Variants in TRMT11 observed in about 807,000 individuals in gnomAD.
The protein encoded by TRMT11 is tRNA methyltransferase 11.
Under a neutral mutation model 62.8 loss-of-function variants are expected in TRMT11, and 53 were observed. The ratio of observed to expected loss-of-function variants is 0.84; its 90% CI spans 0.68 to 1.06. TRMT11 has a LOEUF of 1.06. Among genes scored for constraint, TRMT11 ranks in the 50% least tolerant of loss-of-function variants. The pLI is 0.00. For synonymous variants in TRMT11, 188 were observed against 190.3 expected, an observed-to-expected ratio of 0.99 and a Z score of 0.10; for missense variants, 556 against 553.4, an observed-to-expected ratio of 1.00 and a Z score of -0.05.
chr6:126,242,206 A>G, the TRMT11 span, among the ~76,000 whole-genome samples: 6 of 152,312 alleles, frequency 3.9e-5, 1 homozygote, highest in Admixed American at 1.3e-4. Context: ...AAAATAAAAT[A>G]CCTAGGAATC....
At chr6:126,157,356 C>G (rs529027166) in intron 21 of TRMT11, among the ~76,000 whole-genome samples, 1 of 152,336 alleles carries the variant, frequency 6.6e-6, no homozygotes, top group African/African-American at 2.4e-5. Flanking sequence ...TATACAAATA[C>G]TTAGCTTTGG....
At chr6:126,078,519 G>A (rs1012861995) in intron 17 of TRMT11, among the ~76,000 whole-genome samples, 7 of 151,232 alleles carry the variant, frequency 4.6e-5, no homozygotes, top group Non-Finnish European at 1.0e-4. Flanking sequence ...TATTTCATAA[G>A]ACACAATAAA....
At chr6:126,220,871 A>G in the TRMT11 span, among the ~76,000 whole-genome samples, 2 of 152,080 alleles carry the variant, frequency 1.3e-5, no homozygotes, top group Non-Finnish European at 2.9e-5. Context: ...GGTAATAAGC[A>G]TAGTAACTGA....
At chr6:125,996,433 A>G (rs531476280) in intron 3 of TRMT11, among the ~76,000 whole-genome samples, 28 of 152,346 alleles carry the variant, frequency 1.8e-4, no homozygotes, top group Admixed American at 1.5e-3. Context: ...GGTAACAAAA[A>G]GTGAGGACTG....
intron 21 of TRMT11, among the ~76,000 whole-genome samples, chr6:126,150,804 G>A (rs1778030090): frequency 6.6e-6 from 1 of 152,182 alleles, no homozygotes; most frequent in Non-Finnish European, 1.5e-5. Context: ...TGATAGCTTA[G>A]GGTCTCATTT....
chr6:126,246,650 G>A, the TRMT11 span, among the ~76,000 whole-genome samples: 1 of 152,170 alleles, frequency 6.6e-6, no homozygotes, highest in South Asian at 2.1e-4. Flanking sequence ...TAAGAGAAAA[G>A]CCAGCACTAA....
chr6:126,007,036 C>T (rs532552104), intron 7 of TRMT11: 1 of 152,080 alleles, frequency 6.6e-6, no homozygotes, highest in African/African-American at 2.4e-5. Context: ...TCCAAGTCAT[C>T]ACTTATGCTG....
the TRMT11 span, chr6:126,258,363 G>C: frequency 1.1e-5 from 4 of 370,552 alleles, no homozygotes; most frequent in Admixed American, 1.5e-4. Flanking sequence ...GGCCATGTAC[G>C]TGCATCAGTC....
chr6:126,265,167 C>T, the TRMT11 span, among the ~76,000 whole-genome samples: 1 of 152,090 alleles, frequency 6.6e-6, no homozygotes, highest in African/African-American at 2.4e-5. Flanking sequence ...GCCTTGTTTA[C>T]ACATGAATAA....
At chr6:126,077,977 T>A (rs1240343012) in intron 17 of TRMT11, among the ~76,000 whole-genome samples, 1 of 152,142 alleles carries the variant, frequency 6.6e-6, no homozygotes, top group African/African-American at 2.4e-5. Flanking sequence ...CATCCTTAGT[T>A]TCAAGACAGA....
chr6:126,192,799 A>G (rs1778618419), intron 1 of TRMT11, among the ~76,000 whole-genome samples: 1 of 152,164 alleles, frequency 6.6e-6, no homozygotes, highest in Admixed American at 6.5e-5. Flanking sequence ...ATCCCACTTG[A>G]TCATGGTAAA....
intron 1 of TRMT11, among the ~76,000 whole-genome samples, chr6:126,187,026 A>G (rs891211705): frequency 1.3e-5 from 2 of 152,090 alleles, no homozygotes; most frequent in Non-Finnish European, 2.9e-5. Flanking sequence ...ATTTTATTTA[A>G]TGGCAAAATG....
intron 17 of TRMT11, among the ~76,000 whole-genome samples, chr6:126,093,581 G>GTATA (rs1562321267): frequency 3.5e-4 from 13 of 37,076 alleles, no homozygotes; most frequent in South Asian, 2.2e-3. Context: ...AACAGGATAT[G>GTATA]TATGTATATA....
chr6:126,203,806 A>G (rs533030865), downstream of TRMT11, among the ~76,000 whole-genome samples: 6 of 152,220 alleles, frequency 3.9e-5, no homozygotes, highest in Non-Finnish European at 8.8e-5. Context: ...TATTAAAAAT[A>G]ATATTAGAAT....
At position 126,012,780 on chromosome 6, in the gene TRMT11, G is replaced by T. The variant is rs1205582742; in HGVS notation, c.935G>T (p.Gly312Val). The change falls in exon 10 of 13, where the codon GGT (glycine) becomes GTT (valine). Residue 312 changes from glycine to valine, a missense_variant. Transcript: ENST00000334379. ...TTTGTTTTCTGTCTAGCTCCATATGGTATCAGAGAATCTACAAGAAGAACA... is the reference window on the plus strand; with the variant it reads ...TTTGTTTTCTGTCTAGCTCCATATGTTATCAGAGAATCTACAAGAAGAACA... ...FDAIITDPPYGIRESTRRTGS... is the reference protein window; with the variant it reads ...FDAIITDPPYVIRESTRRTGS... The T allele has an allele frequency of 6.2e-7, 1 of 1,613,250 alleles. No individual in the cohort carries two copies. The highest frequency in any genetic ancestry group is 8.5e-7 in the Non-Finnish European group (1 of 1,179,360).
the TRMT11 span, among the ~76,000 whole-genome samples, chr6:126,243,705 A>G: frequency 2.6e-5 from 4 of 152,056 alleles, no homozygotes; most frequent in Admixed American, 1.3e-4. Flanking sequence ...AACACCGCAT[A>G]TTCACTCATA....
intron 12 of TRMT11, among the ~76,000 whole-genome samples, chr6:126,029,401 T>A (rs1240206702): frequency 6.6e-6 from 1 of 152,152 alleles, no homozygotes; most frequent in Non-Finnish European, 1.5e-5. Context: ...TACCTCCCCC[T>A]GCAATGTAAC....
intron 7 of TRMT11, among the ~76,000 whole-genome samples, chr6:126,005,034 A>G (rs555307688): frequency 3.8e-4 from 58 of 152,156 alleles, no homozygotes; most frequent in African/African-American, 1.3e-3. Context: ...GAGACATAGC[A>G]TTGTGTCATC....
chr6:126,134,464 T>C lies in TRMT11; in HGVS notation c.*1823+18609T>C, dbSNP rs138163278. On this transcript the variant is annotated intron_variant and NMD_transcript_variant, in intron 21 of 22. Transcript: ENST00000648977. Reference sequence around the variant, plus strand: ...AAGAGGACATACCATAGTAAATACATATGCAACCAACACTGAAGCACTCAT... The same window carrying C: ...AAGAGGACATACCATAGTAAATACACATGCAACCAACACTGAAGCACTCAT... Among the ~76,000 whole-genome samples the C allele has an allele frequency of 8.4e-3, 1,281 of 151,914 alleles. 15 individuals carry two copies. The highest frequency in any genetic ancestry group is 0.03 in the African/African-American group (1,239 of 41,514).
Sources: allele counts gnomAD v4.1 joint callset (sites outside exome capture counted in the v4.1 genomes callset), GRCh38; gene constraint gnomAD v4.1.1; transcripts MANE v1.5; gene names NCBI Gene and HGNC (gene_info 2026-07-23, HGNC 2026-07-21).